The following MED23 variants were observed in gnomAD, a reference collection of about 807,000 sequenced individuals.
The protein encoded by MED23 is mediator of RNA polymerase II transcription subunit 23.
In MED23, 105 loss-of-function variants were observed where a neutral mutation model predicts 163.9. The observed-to-expected ratio is 0.64, with a 90% CI of 0.55 to 0.75. MED23 has a LOEUF of 0.75. MED23 is among the 30% of genes least tolerant of loss of function. The probability of loss-of-function intolerance (pLI) is 0.00; values close to 1 mark genes in which losing one functional copy is unlikely to be tolerated. For missense variants in MED23, 1,054 were observed against 1,649.0 expected (o/e 0.64, Z 6.25); for synonymous variants, 561 against 565.6 (o/e 0.99, Z 0.12).
downstream of MED23, chr6:131,583,176 TTGTGTGTGCACACA>T (rs749072942): frequency 4.3e-6 from 7 of 1,610,364 alleles, no homozygotes; most frequent in Non-Finnish European, 5.9e-6. Flanking sequence ...TAGGATTCTT[TTGTGTGTGCACACA>T]TGTGTGTGCA....
chr6:131,580,298 A>T (rs1203683391), intron 30 of MED23, among the ~76,000 whole-genome samples: 1 of 152,164 alleles, frequency 6.6e-6, no homozygotes, highest in African/African-American at 2.4e-5. Context: ...GTTAAGTGGA[A>T]ATTTTAGGAA....
chr6:131,620,274 T>C (rs1776996757), intron 7 of MED23, among the ~76,000 whole-genome samples: 1 of 152,210 alleles, frequency 6.6e-6, no homozygotes, highest in African/African-American at 2.4e-5. Context: ...TTAATATAAC[T>C]GTTTTTTATA....
chr6:131,618,287 A>C, intron 9 of MED23, 120 bp downstream of exon 9: 1 of 756,014 alleles, frequency 1.3e-6, no homozygotes, highest in South Asian at 1.5e-5. Context: ...ACTATAAACT[A>C]TCTTTCATTA....
chr6:131,620,012 C>T lies in MED23; in HGVS notation c.598-116G>A, dbSNP rs976246647. 40 of 727,614 alleles carry T rather than the reference C, an allele frequency of 5.5e-5. No homozygotes were observed. The African/African-American group carries it at 6.7e-4, about 12-fold the overall frequency. 45.1% of individuals were successfully genotyped at this position (727,614 alleles called of 1,614,324 possible). The stretch of plus-strand genomic sequence containing the variant: ...TGAGATAATATATGTAAAGATTGCA[C>T]ATGATAACTGTTTAAAGGTTAGCTC... On this transcript the variant is annotated intron_variant, in intron 7 of 28. Transcript: ENST00000368068.
In MED23 at chr6:131,609,772, C is replaced by T. The variant is rs563533374; in HGVS notation, c.1077+274G>A. Among the ~76,000 whole-genome samples the T allele has an allele frequency of 2.0e-5, 3 of 148,882 alleles. No homozygotes were observed. In the South Asian group the frequency reaches 6.3e-4, roughly 31 times the overall value. On this transcript the variant is annotated intron_variant, in intron 11 of 28. Coordinates refer to ENST00000368068, the MANE Select transcript of MED23 (RefSeq NM_004830.4). The stretch of plus-strand genomic sequence containing the variant: ...TATATATATATATATAAAGTATCCC[C>T]TCCTCTAGTGAGGTGCTCCTTGAGG...
rs778383992 is a variant in MED23, at chr6:131,615,943, C to T, written c.840G>A (p.Arg280=). The change falls in exon 10 of 29, where the codon AGG becomes AGA. Residue 280 remains arginine, a synonymous_variant. Transcript: ENST00000368068. ...LRYVLEQPYS[R]DMVCNMLGLN... ...AACCTAGCATATTGCAGACCATATCCCTGGAATAAGGCTGCTCCAATACAT... is the reference window on the plus strand; with the variant it reads ...AACCTAGCATATTGCAGACCATATCTCTGGAATAAGGCTGCTCCAATACAT... 23 of 1,613,708 alleles carry T rather than the reference C, an allele frequency of 1.4e-5. No individual in the cohort carries two copies. The Middle Eastern group carries it at 4.9e-4, about 35-fold the overall frequency.
chr6:131,617,431 A>G (rs1776775130), intron 9 of MED23, among the ~76,000 whole-genome samples: 1 of 150,960 alleles, frequency 6.6e-6, no homozygotes, highest in Non-Finnish European at 1.5e-5. Flanking sequence ...ACTATGATGT[A>G]AAAACCTTAG....
At chr6:131,618,613 G>C in intron 8 of MED23, 94 bp from the exon 9 acceptor site, 3 of 843,270 alleles carry the variant, frequency 3.6e-6, no homozygotes. Context: ...TGCTGAAATA[G>C]GCATTGGTTT....
At chr6:131,621,329 A>G (rs1455544890) in intron 6 of MED23, among the ~76,000 whole-genome samples, 1 of 152,030 alleles carries the variant, frequency 6.6e-6, no homozygotes, top group African/African-American at 2.4e-5. Flanking sequence ...ATTATAAAAA[A>G]ATAAGTATAT....
intron 17 of MED23, among the ~76,000 whole-genome samples, chr6:131,600,690 G>T (rs1775405508): frequency 6.6e-6 from 1 of 152,086 alleles, no homozygotes; most frequent in Non-Finnish European, 1.5e-5. Context: ...AGACCTCTTG[G>T]GGATTCCCCA....
intron 9 of MED23, among the ~76,000 whole-genome samples, chr6:131,617,241 A>T (rs996656287): frequency 6.6e-5 from 10 of 150,848 alleles, no homozygotes; most frequent in Non-Finnish European, 1.3e-4. Flanking sequence ...GTCGCTGGGG[A>T]CATAGCATTT....
At chr6:131,593,249 T>C in intron 23 of MED23, 78 bp from the exon 24 acceptor site, 1 of 1,562,020 alleles carries the variant, frequency 6.4e-7, no homozygotes. Flanking sequence ...TGCCAAGAAG[T>C]GATTTGTCTA....
In MED23 at chr6:131,627,332, A is replaced by G. The variant is rs1435487026; in HGVS notation, c.159+64T>C. The G allele has an allele frequency of 2.3e-5, 23 of 983,088 alleles. No individual in the cohort carries two copies. In the African/African-American group the frequency reaches 5.6e-4, roughly 24 times the overall value. The allele number at this position is 983,088 out of a possible 1,614,324, so 60.9% of individuals were successfully genotyped here. On this transcript the variant is annotated intron_variant, in intron 3 of 28. Coordinates refer to ENST00000368068, the MANE Select transcript of MED23 (RefSeq NM_004830.4). ...AGCATGAAAGTAAATGTTAAAAGAA[A>G]AAAAAAAAAAAAAAGAAGAGGCCAA...
chr6:131,594,259 T>G lies in MED23; in HGVS notation c.3072A>C (p.Arg1024=). Residue 1024 remains arginine (R), a synonymous_variant, in exon 23 of 29, where the codon CGA becomes CGC. Coordinates refer to ENST00000368068, the MANE Select transcript of MED23 (RefSeq NM_004830.4). The part of the protein sequence containing the change: ...MHLRDRAFLK[R]KLVHAIIGSL... The stretch of plus-strand genomic sequence containing the variant: ...AGCCAATGATCGCATGGACGAGTTT[T>G]CGTTTGAGAAATGCGCGGTCTCTCA... 1 of 1,614,158 alleles carries G rather than the reference T, an allele frequency of 6.2e-7. No homozygotes were observed. Among genetic ancestry groups the G allele is most frequent in the Non-Finnish European group, 8.5e-7 (1 of 1,180,022 alleles).
chr6:131,579,490 T>C, intron 30 of MED23: 1 of 521,146 alleles, frequency 1.9e-6, no homozygotes, highest in South Asian at 2.3e-5. Context: ...ATCTGTATTT[T>C]GACCTAGTAC....
chr6:131,583,622 A>C (rs1020985965), downstream of MED23: 3 of 1,516,334 alleles, frequency 2.0e-6, no homozygotes, highest in East Asian at 2.4e-5. Flanking sequence ...TGCAATAACT[A>C]AAGTGTTTTC....
At chr6:131,599,434 G>GA (rs761216405) in intron 18 of MED23, among the ~76,000 whole-genome samples, 16 of 152,042 alleles carry the variant, frequency 1.1e-4, no homozygotes, top group Non-Finnish European at 1.9e-4. Flanking sequence ...CTGTGATTAA[G>GA]AAAAAAATTC....
chr6:131,581,513 C>T lies in MED23; in HGVS notation c.4095+6196G>A, dbSNP rs1773925010. 6.6e-5 allele frequency: 72 copies of T among 1,087,772 alleles called. No individual in the cohort carries two copies. In the South Asian group the frequency reaches 9.5e-4, roughly 14 times the overall value. The allele number at this position is 1,087,772 out of a possible 1,614,324, so 67.4% of individuals were successfully genotyped here. A position where few individuals can be genotyped will look rare whatever the true frequency, so the allele number is the denominator to read the frequency against. On this transcript the variant is annotated intron_variant, in intron 30 of 30. Transcript: ENST00000354577. The stretch of plus-strand genomic sequence containing the variant: ...AATCATTTTCTCTGCAGCCAATAAG[C>T]AAAGGGTTGGTTGATAAAAGGCAGT...
At chr6:131,582,814 G>GAT (rs1774002787), downstream of MED23, 1 of 858,324 alleles carries the variant, frequency 1.2e-6, no homozygotes, top group Non-Finnish European at 1.9e-6. Flanking sequence ...TAAACATCAA[G>GAT]ACACACACAC....
Sources: gnomAD v4.1 joint callset for allele counts (sites outside exome capture counted in the v4.1 genomes callset) on GRCh38, gnomAD v4.1.1 for gene constraint, MANE v1.5 for transcripts, NCBI Gene and HGNC (gene_info 2026-07-23, HGNC 2026-07-21) for gene names.